The following ADK variants were observed in gnomAD, a reference collection of about 807,000 sequenced individuals.
The protein encoded by ADK is adenosine kinase, also known as N6,N6-dimethyladenosine kinase.
ADK carries 24 observed loss-of-function variants against 44.7 expected under a neutral mutation model. The observed-to-expected ratio is 0.54, with a 90% CI of 0.39 to 0.76. The LOEUF is 0.76. Among genes scored for constraint, ADK ranks in the 30% least tolerant of loss-of-function variants. ADK has a pLI of 0.00. For missense variants in ADK, 321 were observed against 425.1 expected, an observed-to-expected ratio of 0.76 and a Z score of 2.15; for synonymous variants, 128 against 142.6, an observed-to-expected ratio of 0.90 and a Z score of 0.73.
intron 3 of ADK, among the ~76,000 whole-genome samples, chr10:74,292,439 C>T (rs1023271274): frequency 2.6e-5 from 4 of 152,268 alleles, no homozygotes; most frequent in South Asian, 4.2e-4. Context: ...TGTCCTTAGT[C>T]ATAGCAATAT....
chr10:74,536,168 AG>A (rs2133699491), intron 7 of ADK, among the ~76,000 whole-genome samples: 1 of 152,296 alleles, frequency 6.6e-6, no homozygotes, highest in East Asian at 1.9e-4. Flanking sequence ...AAATTAATAA[AG>A]TTCCTCTTTT....
At chr10:74,675,378 C>T (rs1855351556) in intron 10 of ADK, among the ~76,000 whole-genome samples, 1 of 152,168 alleles carries the variant, frequency 6.6e-6, no homozygotes, top group Admixed American at 6.5e-5. Flanking sequence ...AGTTCCATCT[C>T]ACGGGTTTAG....
intron 5 of ADK, 63 bp downstream of exon 5, chr10:74,394,376 A>G: frequency 6.6e-7 from 1 of 1,508,696 alleles, no homozygotes; most frequent in Non-Finnish European, 9.2e-7. Flanking sequence ...TAAAATATGA[A>G]TTCCAATGTG....
At chr10:74,182,298 CTA>C (rs1207263498) in intron 1 of ADK, among the ~76,000 whole-genome samples, 1 of 151,848 alleles carries the variant, frequency 6.6e-6, no homozygotes, top group Non-Finnish European at 1.5e-5. Flanking sequence ...AGCTTTTAAA[CTA>C]AAATTGTTTC....
At chr10:74,681,849 CAAAAAAAAA>C (rs34381749) in intron 10 of ADK, among the ~76,000 whole-genome samples, 1 of 93,156 alleles carries the variant, frequency 1.1e-5, no homozygotes, top group Non-Finnish European at 2.0e-5. Flanking sequence ...GACTCCATCT[CAAAAAAAAA>C]AAAAAAAAAA....
In ADK at chr10:74,396,878, C is replaced by T. The variant is rs560150504; in HGVS notation, c.447-1593C>T. Among the ~76,000 whole-genome samples the T allele has an allele frequency of 8.5e-5, 13 of 152,086 alleles. No homozygotes were observed. In the South Asian group the frequency reaches 2.5e-3, roughly 29 times the overall value. ...GACTGAGGCAAGGAAATTGCTTGAA[C>T]CCGGAGGCGGAGGTTGCAGTGAGCC... On this transcript the variant is annotated intron_variant, in intron 5 of 10. Transcript: ENST00000539909.
At chr10:74,398,436 T>C in intron 5 of ADK, 35 bp from the exon 6 acceptor site, 1 of 1,426,394 alleles carries the variant, frequency 7.0e-7, no homozygotes, top group African/African-American at 1.4e-5. Flanking sequence ...TAAGTTTGAC[T>C]ATAATATTAC....
chr10:74,504,379 T>C (rs1847974852), intron 6 of ADK, among the ~76,000 whole-genome samples: 1 of 152,004 alleles, frequency 6.6e-6, no homozygotes, highest in Admixed American at 6.6e-5. Flanking sequence ...CCTTGAACAG[T>C]GCCGGGGGTT....
intron 3 of ADK, among the ~76,000 whole-genome samples, chr10:74,293,031 G>T (rs993583100): frequency 7.2e-5 from 11 of 151,908 alleles, no homozygotes; most frequent in African/African-American, 2.7e-4. Context: ...AGCTGAGTGT[G>T]GTGGTGCATG....
At chr10:74,450,761 G>C (rs1318170805) in intron 6 of ADK, among the ~76,000 whole-genome samples, 1 of 152,116 alleles carries the variant, frequency 6.6e-6, no homozygotes, top group Non-Finnish European at 1.5e-5. Context: ...CATATTAATA[G>C]CTTTTCTGTT....
At chr10:74,696,650 A>G (rs774888982) in intron 10 of ADK, among the ~76,000 whole-genome samples, 27 of 152,238 alleles carry the variant, frequency 1.8e-4, no homozygotes, top group Middle Eastern at 6.8e-3. Flanking sequence ...GATTACAGGC[A>G]TGAGTCACCA....
chr10:74,194,233 C>G (rs1454805862), intron 1 of ADK, among the ~76,000 whole-genome samples: 1 of 152,094 alleles, frequency 6.6e-6, no homozygotes, highest in East Asian at 1.9e-4. Flanking sequence ...AAGAACTTTA[C>G]AAGCAGAGTC....
At chr10:74,316,484 G>C (rs370863721) in intron 4 of ADK, among the ~76,000 whole-genome samples, 1 of 152,138 alleles carries the variant, frequency 6.6e-6, no homozygotes, top group East Asian at 1.9e-4. Context: ...TCTCCTGATA[G>C]TGAGTGAGTT....
intron 9 of ADK, among the ~76,000 whole-genome samples, chr10:74,644,723 G>T (rs1853997118): frequency 6.6e-6 from 1 of 152,050 alleles, no homozygotes; most frequent in Non-Finnish European, 1.5e-5. Context: ...TAGAGATGGG[G>T]CTTTGTATGT....
At chr10:74,689,817 C>T (rs1855922742) in intron 10 of ADK, among the ~76,000 whole-genome samples, 1 of 152,186 alleles carries the variant, frequency 6.6e-6, no homozygotes, top group African/African-American at 2.4e-5. Context: ...TTTGTCAGCA[C>T]CCACATCAAA....
intron 3 of ADK, among the ~76,000 whole-genome samples, chr10:74,235,981 C>T (rs902503909): frequency 2.6e-5 from 4 of 152,172 alleles, no homozygotes; most frequent in African/African-American, 9.7e-5. Context: ...CAGAAGCTGG[C>T]ACCATACTCT....
At chr10:74,437,865 T>C (rs1215814361) in intron 6 of ADK, among the ~76,000 whole-genome samples, 1 of 152,186 alleles carries the variant, frequency 6.6e-6, no homozygotes, top group Non-Finnish European at 1.5e-5. Flanking sequence ...TCTAATATCA[T>C]CTTATTCTAG....
At chr10:74,496,592 A>G (rs1295117050) in intron 6 of ADK, among the ~76,000 whole-genome samples, 7 of 152,196 alleles carry the variant, frequency 4.6e-5, no homozygotes, top group Non-Finnish European at 1.5e-5. Context: ...ATTCCTTCAC[A>G]GCAGTGTGAG....
intron 6 of ADK, among the ~76,000 whole-genome samples, chr10:74,436,611 A>G (rs772728181): frequency 3.3e-5 from 5 of 152,204 alleles, no homozygotes; most frequent in Non-Finnish European, 7.4e-5. Context: ...CCCCTATAAT[A>G]TGCTTAACTG....
Sources: gnomAD v4.1 joint callset for allele counts (sites outside exome capture counted in the v4.1 genomes callset) on GRCh38, gnomAD v4.1.1 for gene constraint, MANE v1.5 for transcripts, NCBI Gene and HGNC (gene_info 2026-07-23, HGNC 2026-07-21) for gene names.